MIS18A: variants seen among roughly 807,000 people sequenced by gnomAD.
The protein encoded by MIS18A is MIS18 kinetochore protein A.
MIS18A carries 14 observed loss-of-function variants against 25.0 expected under a neutral mutation model. That is an observed-to-expected ratio of 0.56 (90% confidence interval 0.37 to 0.88). MIS18A has a LOEUF of 0.88. Ranked by LOEUF, MIS18A falls within the 40% of genes least tolerant of loss-of-function variation. The pLI is 0.00. For synonymous variants in MIS18A, 134 were observed against 118.6 expected (o/e 1.13, Z -0.84); for missense variants, 292 against 290.8 (o/e 1.00, Z -0.03).
Position 32,278,700 on chromosome 21 carries a change from G to A in MIS18A, c.315C>T (p.Thr105=), listed in dbSNP as rs1443429120. 5.1e-6 allele frequency: 8 copies of A among 1,568,898 alleles called. No individual in the cohort carries two copies. The highest frequency in any genetic ancestry group is 2.3e-5 in the East Asian group (1 of 43,752). ...ACTGACAGCGAAGCAGGATGCAGTT[G>A]GTGTCCTCCTGGCTGGCCACCCAGC... ...SLSWVASQED[T]NCILLRCVSC... Residue 105 remains threonine (T), a synonymous_variant, in exon 1 of 5, where the codon ACC becomes ACT. Transcript: ENST00000290130.
the MIS18A span, among the ~76,000 whole-genome samples, chr21:32,179,089 T>C: frequency 6.6e-6 from 1 of 151,422 alleles, no homozygotes; most frequent in Non-Finnish European, 1.5e-5. Context: ...TTCAATACTC[T>C]CTTTTATTTT....
chr21:32,171,052 T>A, the MIS18A span, among the ~76,000 whole-genome samples: 46 of 152,094 alleles, frequency 3.0e-4, no homozygotes, highest in Admixed American at 7.9e-4. Context: ...AAAGACTGAA[T>A]GCTTTCCCTT....
At chr21:32,199,188 G>A in the MIS18A span, among the ~76,000 whole-genome samples, 1 of 152,144 alleles carries the variant, frequency 6.6e-6, no homozygotes, top group Non-Finnish European at 1.5e-5. Flanking sequence ...GTTTGTAAAA[G>A]CCTATATCTG....
the MIS18A span, among the ~76,000 whole-genome samples, chr21:32,250,603 A>T: frequency 7.2e-5 from 11 of 152,188 alleles, no homozygotes; most frequent in African/African-American, 2.7e-4. Flanking sequence ...GAACTCTCAG[A>T]CCTTCCAGAA....
the MIS18A span, among the ~76,000 whole-genome samples, chr21:32,209,312 C>T: frequency 6.6e-6 from 1 of 152,040 alleles, no homozygotes; most frequent in Non-Finnish European, 1.5e-5. Context: ...TTAAATGGAC[C>T]CTTTGAGATC....
chr21:32,205,775 G>A, the MIS18A span, among the ~76,000 whole-genome samples: 1 of 152,116 alleles, frequency 6.6e-6, no homozygotes, highest in Non-Finnish European at 1.5e-5. Context: ...GCTCAGCCTT[G>A]CGTTTTCTGC....
At chr21:32,248,807 G>A in the MIS18A span, among the ~76,000 whole-genome samples, 2 of 152,136 alleles carry the variant, frequency 1.3e-5, no homozygotes, top group Non-Finnish European at 2.9e-5. Context: ...ATAGTCTCCA[G>A]AAAGAAAGAT....
At chr21:32,269,642 G>A (rs765785520) in intron 4 of MIS18A, 65 bp downstream of exon 4, 14 of 913,402 alleles carry the variant, frequency 1.5e-5, no homozygotes, top group Non-Finnish European at 2.1e-5. Context: ...TATCGTTTGT[G>A]GGGGAGCACT....
At chr21:32,252,769 T>A in the MIS18A span, among the ~76,000 whole-genome samples, 13 of 152,216 alleles carry the variant, frequency 8.5e-5, no homozygotes, top group Non-Finnish European at 1.2e-4. Context: ...CTTTATAAAT[T>A]TAGATGTATC....
the MIS18A span, chr21:32,260,472 G>A: frequency 6.5e-6 from 1 of 153,034 alleles, no homozygotes; most frequent in Non-Finnish European, 1.5e-5. Context: ...GGGACCCGGG[G>A]AGACAATTGA....
the MIS18A span, among the ~76,000 whole-genome samples, chr21:32,171,704 T>A: frequency 2.0e-5 from 3 of 152,010 alleles, no homozygotes; most frequent in African/African-American, 7.2e-5. Flanking sequence ...AAAGCTACAG[T>A]AAATATACAG....
chr21:32,268,866 C>A lies in MIS18A; in HGVS notation c.*171G>T. 1 of 479,558 alleles carries A rather than the reference C, an allele frequency of 2.1e-6. No homozygotes were observed. Among genetic ancestry groups the A allele is most frequent in the African/African-American group, 2.0e-5 (1 of 50,846 alleles). The allele number at this position is 479,558 out of a possible 1,614,324, so 29.7% of individuals were successfully genotyped here. Reference sequence around the variant, plus strand: ...ACAGTAGTGGCATGACCAAGGCTCACTGCAGCCTCAACCTCCCAAGCTCAT... The same window carrying A: ...ACAGTAGTGGCATGACCAAGGCTCAATGCAGCCTCAACCTCCCAAGCTCAT... On this transcript the variant is annotated 3_prime_UTR_variant, in exon 5 of 5. Transcript: ENST00000290130.
At chr21:32,180,983 A>G in the MIS18A span, among the ~76,000 whole-genome samples, 19 of 152,060 alleles carry the variant, frequency 1.2e-4, no homozygotes, top group African/African-American at 4.3e-4. Flanking sequence ...GGGCCATGGG[A>G]TGCCCAGATA....
chr21:32,171,136 G>A, the MIS18A span, among the ~76,000 whole-genome samples: 1 of 152,050 alleles, frequency 6.6e-6, no homozygotes. Context: ...TTTAGGTAGT[G>A]CCATTAGGCA....
downstream of MIS18A, among the ~76,000 whole-genome samples, chr21:32,265,861 C>T (rs1394710903): frequency 6.6e-6 from 1 of 152,212 alleles, no homozygotes; most frequent in East Asian, 1.9e-4. Flanking sequence ...CCAATCAGCA[C>T]CCTGTGTTTA....
At chr21:32,258,770 T>C in the MIS18A span, among the ~76,000 whole-genome samples, 2 of 152,132 alleles carry the variant, frequency 1.3e-5, no homozygotes, top group Admixed American at 6.5e-5. Context: ...GGGGACCACC[T>C]AGCATCTTGT....
the MIS18A span, among the ~76,000 whole-genome samples, chr21:32,255,282 G>A: frequency 1.4e-4 from 22 of 151,838 alleles, no homozygotes; most frequent in Middle Eastern, 3.4e-3. Flanking sequence ...TCAGGGTAGA[G>A]TGCGGTGATG....
At chr21:32,235,644 G>A in the MIS18A span, among the ~76,000 whole-genome samples, 3 of 152,270 alleles carry the variant, frequency 2.0e-5, no homozygotes, top group African/African-American at 7.2e-5. Context: ...CATCAACAAA[G>A]AAGCTAGAAG....
the MIS18A span, among the ~76,000 whole-genome samples, chr21:32,192,200 T>C: frequency 1.3e-5 from 2 of 152,134 alleles, no homozygotes; most frequent in African/African-American, 2.4e-5. Context: ...TCTGTTCCCA[T>C]AGGCAGCCCC....
Sources: gnomAD v4.1 joint callset for allele counts (sites outside exome capture counted in the v4.1 genomes callset) on GRCh38, gnomAD v4.1.1 for gene constraint, MANE v1.5 for transcripts, NCBI Gene and HGNC (gene_info 2026-07-23, HGNC 2026-07-21) for gene names.